The following EPB41L2 variants were observed in gnomAD, a reference collection of about 807,000 sequenced individuals.
The protein encoded by EPB41L2 is erythrocyte membrane protein band 4.1 like 2, also known as band 4.1-like protein 2.
In EPB41L2, 43 loss-of-function variants were observed where a neutral mutation model predicts 113.0. That is an observed-to-expected ratio of 0.38 (90% CI 0.30 to 0.49). The LOEUF (loss-of-function observed/expected upper bound fraction) is 0.49, where lower values mean the gene tolerates loss of function less well. EPB41L2 is among the 20% of genes least tolerant of loss of function. The pLI, the probability that EPB41L2 is intolerant of heterozygous loss-of-function variation, is 0.95. For missense variants in EPB41L2, 1,147 were observed against 1,223.4 expected (o/e 0.94, Z 0.93); for synonymous variants, 442 against 436.7 (o/e 1.01, Z -0.15).
intron 3 of EPB41L2, among the ~76,000 whole-genome samples, chr6:130,949,555 A>G (rs1398001876): frequency 1.4e-4 from 21 of 151,786 alleles, no homozygotes; most frequent in Non-Finnish European, 1.5e-5. Context: ...ACAGAGAGAG[A>G]TCCTGTTGAA....
At chr6:130,863,441 G>T (rs542968539) in intron 18 of EPB41L2, among the ~76,000 whole-genome samples, 197 bp downstream of exon 18, 2 of 152,292 alleles carry the variant, frequency 1.3e-5, no homozygotes, top group South Asian at 4.1e-4. Flanking sequence ...GGGAAATAAA[G>T]AGAAATCTGT....
At chr6:130,937,009 C>T (rs993436233) in intron 3 of EPB41L2, among the ~76,000 whole-genome samples, 3 of 152,198 alleles carry the variant, frequency 2.0e-5, no homozygotes, top group African/African-American at 7.2e-5. Context: ...CAAAATTGCG[C>T]ATAAGGTACA....
At chr6:130,894,742 C>T (rs1384997792) in intron 9 of EPB41L2, among the ~76,000 whole-genome samples, 2 of 152,130 alleles carry the variant, frequency 1.3e-5, no homozygotes, top group Non-Finnish European at 2.9e-5. Flanking sequence ...CGAGCCCACA[C>T]CTTATCACAT....
At chr6:130,922,921 G>A (rs564999321) in intron 4 of EPB41L2, among the ~76,000 whole-genome samples, 8 of 152,284 alleles carry the variant, frequency 5.3e-5, no homozygotes, top group Non-Finnish European at 7.3e-5. Flanking sequence ...TTCCATGCAA[G>A]CTGTCATTCT....
chr6:130,920,185 A>G (rs1389817846), intron 4 of EPB41L2, among the ~76,000 whole-genome samples: 1 of 152,180 alleles, frequency 6.6e-6, no homozygotes, highest in Non-Finnish European at 1.5e-5. Flanking sequence ...CAAAACTCTC[A>G]GTCAACTGTC....
chr6:131,025,428 A>C (rs924270109), intron 1 of EPB41L2, among the ~76,000 whole-genome samples: 2 of 152,190 alleles, frequency 1.3e-5, no homozygotes, highest in Non-Finnish European at 2.9e-5. Flanking sequence ...GATCGAGATC[A>C]GACAGCGATT....
chr6:131,000,587 A>C (rs1439281195), intron 1 of EPB41L2: 2 of 152,230 alleles, frequency 1.3e-5, no homozygotes, highest in Non-Finnish European at 2.9e-5. Flanking sequence ...CACTTGCCCC[A>C]CAACGGAGCA....
chr6:131,034,135 A>G (rs1391687217), intron 1 of EPB41L2, among the ~76,000 whole-genome samples: 1 of 152,180 alleles, frequency 6.6e-6, no homozygotes, highest in Non-Finnish European at 1.5e-5. Flanking sequence ...AACATACTAC[A>G]AGGTGTAATA....
intron 4 of EPB41L2, among the ~76,000 whole-genome samples, chr6:130,924,247 A>G (rs541900725): frequency 1.3e-5 from 2 of 152,320 alleles, no homozygotes; most frequent in African/African-American, 4.8e-5. Context: ...CCATTAATGG[A>G]CATTTATGTT....
At chr6:130,896,026 A>AC (rs1443517486) in intron 8 of EPB41L2, among the ~76,000 whole-genome samples, 1 of 152,226 alleles carries the variant, frequency 6.6e-6, no homozygotes, top group African/African-American at 2.4e-5. Context: ...AAAGACATTC[A>AC]CATTTTCAGA....
At chr6:131,030,726 T>C (rs1247450619) in intron 1 of EPB41L2, among the ~76,000 whole-genome samples, 1 of 152,138 alleles carries the variant, frequency 6.6e-6, no homozygotes, top group South Asian at 2.1e-4. Context: ...CAGCTGCTCA[T>C]AAATTAATTG....
At chr6:130,944,262 A>G (rs1256124548) in intron 3 of EPB41L2, among the ~76,000 whole-genome samples, 1 of 152,140 alleles carries the variant, frequency 6.6e-6, no homozygotes, top group East Asian at 1.9e-4. Flanking sequence ...ACTTAGGAAC[A>G]TAAATAAACA....
At position 131,009,499 on chromosome 6, in the gene EPB41L2, T is replaced by C. The variant is rs2128723378; in HGVS notation, c.-14-53000A>G. Among the ~76,000 whole-genome samples, 2 of 152,268 alleles carry C rather than the reference T, an allele frequency of 1.3e-5. 1 individual carries two copies. Among genetic ancestry groups the C allele is most frequent in the South Asian group, 4.1e-4 (2 of 4,822 alleles). On this transcript the variant is annotated intron_variant, in intron 1 of 19. Transcript: ENST00000337057. ...ACACTCCCAGGCTCTTAGAAACTTATTTCGTACCTGTACATATTTCACACC... is the reference window on the plus strand; with the variant it reads ...ACACTCCCAGGCTCTTAGAAACTTACTTCGTACCTGTACATATTTCACACC...
chr6:130,851,888 C>T (rs926132964), intron 19 of EPB41L2, among the ~76,000 whole-genome samples: 1 of 152,156 alleles, frequency 6.6e-6, no homozygotes, highest in African/African-American at 2.4e-5. Context: ...GTTTCCCAGA[C>T]CTCAGCTCTG....
intron 12 of EPB41L2, chr6:130,883,013 T>C (rs1296874021): frequency 6.5e-6 from 1 of 152,676 alleles, no homozygotes; most frequent in African/African-American, 2.4e-5. Context: ...TGTGGAAAGG[T>C]GCTCTAAGCT....
intron 14 of EPB41L2, among the ~76,000 whole-genome samples, chr6:130,874,671 G>C (rs9492746): frequency 0.027 from 4,134 of 152,244 alleles, 213 homozygotes; most frequent in African/African-American, 0.095. Context: ...GCATGTATTG[G>C]AGAGGAAAAG....
chr6:130,989,113 T>C (rs1319594887), intron 1 of EPB41L2, among the ~76,000 whole-genome samples: 5 of 151,752 alleles, frequency 3.3e-5, no homozygotes, highest in African/African-American at 7.3e-5. Context: ...AAACAAAGAA[T>C]GAAGGACAGG....
At chr6:130,903,885 T>G (rs1796988490) in intron 6 of EPB41L2, among the ~76,000 whole-genome samples, 1 of 152,196 alleles carries the variant, frequency 6.6e-6, no homozygotes, top group South Asian at 2.1e-4. Context: ...AATCAATAAA[T>G]ATTCTCTTGC....
At chr6:131,023,571 G>T (rs1001039746) in intron 1 of EPB41L2, among the ~76,000 whole-genome samples, 6 of 152,012 alleles carry the variant, frequency 3.9e-5, no homozygotes, top group African/African-American at 1.4e-4. Context: ...TGTAATCCCA[G>T]CTATTCAGGA....
Sources: allele counts gnomAD v4.1 joint callset (sites outside exome capture counted in the v4.1 genomes callset), GRCh38; gene constraint gnomAD v4.1.1; transcripts MANE v1.5; gene names NCBI Gene and HGNC (gene_info 2026-07-23, HGNC 2026-07-21).